UIMC1: variants seen among roughly 807,000 people sequenced by gnomAD.
UIMC1 encodes the protein BRCA1-A complex subunit RAP80.
A neutral mutation model predicts 84.9 loss-of-function variants in UIMC1; 42 were observed. That is an observed-to-expected ratio of 0.49 (90% CI 0.39 to 0.64). The LOEUF is 0.64. UIMC1 is among the 30% of genes least tolerant of loss of function. The probability of loss-of-function intolerance (pLI) is 0.00; values close to 1 mark genes in which losing one functional copy is unlikely to be tolerated. For synonymous variants in UIMC1, 281 were observed against 293.0 expected (o/e 0.96, Z 0.42); for missense variants, 825 against 847.6 (o/e 0.97, Z 0.33).
chr5:176,938,794 T>C (rs560665298), intron 10 of UIMC1, among the ~76,000 whole-genome samples: 6 of 152,336 alleles, frequency 3.9e-5, no homozygotes, highest in East Asian at 1.9e-4. Flanking sequence ...CTTTCTCCCA[T>C]TGTCAGGGAC....
intron 1 of UIMC1, among the ~76,000 whole-genome samples, chr5:177,019,555 T>C (rs931258104): frequency 5.3e-5 from 8 of 150,888 alleles, no homozygotes; most frequent in African/African-American, 2.0e-4. Context: ...GGCTGGAGGA[T>C]CACTTGAGTG....
intron 9 of UIMC1, among the ~76,000 whole-genome samples, chr5:176,946,691 C>G (rs1453258324): frequency 3.3e-5 from 5 of 151,762 alleles, no homozygotes; most frequent in Admixed American, 3.3e-4. Context: ...AAAAATTAGC[C>G]AGGGGTGGTG....
chr5:177,014,662 C>T (rs562275099), intron 1 of UIMC1, among the ~76,000 whole-genome samples: 258 of 152,150 alleles, frequency 1.7e-3, no homozygotes, highest in Admixed American at 3.1e-3. Context: ...CACAGTACTT[C>T]ACTCCAGCCT....
rs370547252 is a variant in UIMC1, at chr5:176,919,262, G to GA, written c.1598-7874dup. The GA allele has an allele frequency of 1.5e-3, 426 of 285,562 alleles. 1 individual carries two copies. Among genetic ancestry groups the GA allele is most frequent in the African/African-American group, 9.6e-3 (410 of 42,878 alleles). 17.7% of individuals were successfully genotyped at this position (285,562 alleles called of 1,614,324 possible). A position where few individuals can be genotyped will look rare whatever the true frequency, so the allele number is the denominator to read the frequency against. ...CTACTGCACTCCAGCCTGGGCAACA[G>GA]AAAGAGAGTTCTTTATATATTCTGG... On this transcript the variant is annotated intron_variant, in intron 10 of 14. Coordinates refer to ENST00000511320, the MANE Select transcript of UIMC1 (RefSeq NM_001199298.2).
At chr5:176,936,652 C>T (rs1464903455) in intron 10 of UIMC1, among the ~76,000 whole-genome samples, 1 of 152,204 alleles carries the variant, frequency 6.6e-6, no homozygotes, top group African/African-American at 2.4e-5. Context: ...CCCTTACTTA[C>T]TCTAATCCAG....
At chr5:176,965,421 C>CAA (rs551191945) in intron 6 of UIMC1, among the ~76,000 whole-genome samples, 234 of 124,830 alleles carry the variant, frequency 1.9e-3, no homozygotes, top group African/African-American at 6.4e-3. Context: ...GACTCCATCT[C>CAA]AAAAAAAAAA....
intron 10 of UIMC1, among the ~76,000 whole-genome samples, chr5:176,914,512 C>A (rs1760719225): frequency 6.6e-6 from 1 of 152,142 alleles, no homozygotes; most frequent in Admixed American, 6.5e-5. Flanking sequence ...GAGGCACTGT[C>A]CTTGCTCTTA....
upstream of UIMC1, among the ~76,000 whole-genome samples, chr5:177,010,511 T>A: frequency 6.6e-6 from 1 of 152,080 alleles, no homozygotes; most frequent in East Asian, 1.9e-4. Context: ...CCTAGGAAGA[T>A]ACAGGGATAT....
chr5:176,907,018 C>A, intron 13 of UIMC1, 96 bp downstream of exon 13: 1 of 1,295,618 alleles, frequency 7.7e-7, no homozygotes, highest in South Asian at 1.3e-5. Flanking sequence ...CGTGTGTACC[C>A]AGATAACCAC....
At position 176,907,164 on chromosome 5, in the gene UIMC1, C is replaced by T; in HGVS notation, c.1862G>A (p.Ser621Asn). 1 of 1,613,702 alleles carries T rather than the reference C, an allele frequency of 6.2e-7. No homozygotes were observed. Among genetic ancestry groups the T allele is most frequent in the Non-Finnish European group, 8.5e-7 (1 of 1,179,812 alleles). The change falls in exon 13 of 15, where the codon AGT (serine) becomes AAT (asparagine). Residue 621 changes from serine (S) to asparagine (N), a missense_variant. Transcript: ENST00000511320. ...RLKNPKEKGHSEGRLLSFLEQ... is the reference protein window; with the variant it reads ...RLKNPKEKGHNEGRLLSFLEQ... ...CAAGAAACTAAGGAGTCGGCCTTCA[C>T]TGTGGCCTTTTTCCTGTAACAGAGA...
chr5:176,944,235 G>A (rs1764808218), intron 9 of UIMC1, among the ~76,000 whole-genome samples: 1 of 152,078 alleles, frequency 6.6e-6, no homozygotes, highest in African/African-American at 2.4e-5. Flanking sequence ...ATTGAAAGAG[G>A]AAACTAAGAT....
chr5:176,985,455 T>G (rs6882822), intron 1 of UIMC1, among the ~76,000 whole-genome samples: 2 of 120,506 alleles, frequency 1.7e-5, no homozygotes, highest in Middle Eastern at 9.5e-3. Context: ...GAATTCTGTC[T>G]CAAAAAAAAA....
At chr5:176,967,997 T>C (rs1472833195) in intron 6 of UIMC1, among the ~76,000 whole-genome samples, 1 of 151,842 alleles carries the variant, frequency 6.6e-6, no homozygotes, top group Non-Finnish European at 1.5e-5. Flanking sequence ...AGATAAACTA[T>C]AAAGTAGGGA....
chr5:176,911,388 T>C lies in UIMC1; in HGVS notation c.1599A>G (p.Val533=), dbSNP rs1760193602. 4 of 1,577,804 alleles carry C rather than the reference T, an allele frequency of 2.5e-6. No individual in the cohort carries two copies. In the East Asian group the frequency reaches 9.2e-5, roughly 36 times the overall value. ...YCNGLMEEDT[V]LTRRQKEAKT... is the part of the protein sequence containing the mutation. ...TGGCCTCTTTTTGTCTCCGAGTCAA[T>C]ACTTTTAATATAAAAAATATATATA... Residue 533 remains valine (V), a splice_region_variant and synonymous_variant, in exon 11 of 15, where the codon GTA becomes GTG. Coordinates refer to ENST00000511320, the MANE Select transcript of UIMC1 (RefSeq NM_001199298.2).
intron 10 of UIMC1, among the ~76,000 whole-genome samples, chr5:176,936,006 C>A (rs1763675902): frequency 6.6e-6 from 1 of 152,162 alleles, no homozygotes; most frequent in African/African-American, 2.4e-5. Context: ...CCCTAACTCT[C>A]CTATAATCTA....
chr5:176,954,506 G>A (rs749725901), intron 8 of UIMC1, among the ~76,000 whole-genome samples: 8 of 151,982 alleles, frequency 5.3e-5, no homozygotes, highest in Non-Finnish European at 1.2e-4. Flanking sequence ...AAGCCAAAGC[G>A]GGAGGATTAC....
At chr5:176,967,746 T>C (rs1581574686) in intron 6 of UIMC1, among the ~76,000 whole-genome samples, 1 of 151,520 alleles carries the variant, frequency 6.6e-6, no homozygotes, top group Admixed American at 6.6e-5. Context: ...CTACAAAAAA[T>C]ATAAAAATTA....
At chr5:176,931,237 T>A (rs1185321141) in intron 10 of UIMC1, among the ~76,000 whole-genome samples, 1 of 152,212 alleles carries the variant, frequency 6.6e-6, no homozygotes, top group African/African-American at 2.4e-5. Flanking sequence ...TAGTATTAAT[T>A]TCTTGAACTT....
chr5:176,968,657 T>C lies in UIMC1; in HGVS notation c.1098A>G (p.Ala366=), dbSNP rs769428903. 3 of 1,614,186 alleles carry C rather than the reference T, an allele frequency of 1.9e-6. No individual in the cohort carries two copies. Among genetic ancestry groups the C allele is most frequent in the South Asian group, 1.1e-5 (1 of 91,084 alleles). ...CCTTGGTTTTTGAGTGCCAGTCAGA[T>C]GCCCTAGACTCCTGCCTCTCCTCTT... is the stretch of plus-strand genomic sequence containing the variant. ...EDKEERQESR[A]SDWHSKTKDF... Residue 366 remains alanine, a synonymous_variant, in exon 6 of 15, where the codon GCA becomes GCG. Coordinates refer to ENST00000511320, the MANE Select transcript of UIMC1 (RefSeq NM_001199298.2).
Sources: allele counts gnomAD v4.1 joint callset (sites outside exome capture counted in the v4.1 genomes callset), GRCh38; gene constraint gnomAD v4.1.1; transcripts MANE v1.5; gene names NCBI Gene and HGNC (gene_info 2026-07-23, HGNC 2026-07-21).